The following ECPAS variants were observed in gnomAD, a reference collection of about 807,000 sequenced individuals.
The protein encoded by ECPAS is proteasome adapter and scaffold protein ECM29.
In ECPAS, 70 loss-of-function variants were observed where a neutral mutation model predicts 255.1. The observed-to-expected ratio is 0.27, with a 90% confidence interval of 0.23 to 0.33. The LOEUF (loss-of-function observed/expected upper bound fraction) is 0.33. Among genes scored for constraint, ECPAS ranks in the 10% least tolerant of loss-of-function variants. The pLI is 1.00. For synonymous variants in ECPAS, 784 were observed against 775.0 expected (o/e 1.01, Z -0.19); for missense variants, 1,817 against 2,206.4 (o/e 0.82, Z 3.54).
intron 1 of ECPAS, among the ~76,000 whole-genome samples, chr9:111,476,454 C>T (rs41475647): frequency 0.3 from 45,457 of 152,040 alleles, 8,368 homozygotes; most frequent in African/African-American, 0.5. Context: ...AAGCTACAGG[C>T]TCTGACCTAA....
At chr9:111,466,431 C>A (rs909458738) in intron 2 of ECPAS, among the ~76,000 whole-genome samples, 1 of 151,640 alleles carries the variant, frequency 6.6e-6, no homozygotes, top group Non-Finnish European at 1.5e-5. Flanking sequence ...GGCGACAGAG[C>A]GAGACTCCGT....
chr9:111,394,116 T>C, intron 26 of ECPAS, 44 bp downstream of exon 26: 1 of 1,538,036 alleles, frequency 6.5e-7, no homozygotes, highest in Non-Finnish European at 8.7e-7. Flanking sequence ...CTACTTATAA[T>C]ACTGTGGTTT....
chr9:111,478,190 C>T (rs918912638), intron 1 of ECPAS, among the ~76,000 whole-genome samples: 5 of 151,634 alleles, frequency 3.3e-5, no homozygotes, highest in African/African-American at 9.7e-5. Flanking sequence ...CTTGAGTCAC[C>T]GCACCCAGCC....
Position 111,413,668 on chromosome 9 carries a change from C to CT in ECPAS, c.2079+226dup, listed in dbSNP as rs1009037548. On this transcript the variant is annotated intron_variant, in intron 20 of 49. Coordinates refer to ENST00000684092, the MANE Select transcript of ECPAS (RefSeq NM_001364929.1). ...AAAAACTTTTGAAACAGAAAAGGAA[C>CT]TTTTTTTTACTCCTATGCTTCTCAA... is the stretch of plus-strand genomic sequence containing the variant. 3.3e-5 allele frequency among the ~76,000 whole-genome samples: 5 copies of CT among 151,392 alleles called. No individual in the cohort carries two copies. The East Asian group carries it at 5.8e-4, about 18-fold the overall frequency.
chr9:111,422,255 A>G, intron 13 of ECPAS, 55 bp from the exon 14 acceptor site: 3 of 1,549,414 alleles, frequency 1.9e-6, no homozygotes, highest in Non-Finnish European at 2.7e-6. Flanking sequence ...GAGATGAAAA[A>G]GGGAAAAAAT....
chr9:111,482,855 C>G (rs543644235), intron 1 of ECPAS, among the ~76,000 whole-genome samples: 1 of 133,808 alleles, frequency 7.5e-6, no homozygotes, highest in African/African-American at 3.3e-5. Flanking sequence ...TTCAGGGTGA[C>G]CACCGCTCTC....
At chr9:111,388,273 C>T (rs911254082) in intron 31 of ECPAS, among the ~76,000 whole-genome samples, 2 of 150,572 alleles carry the variant, frequency 1.3e-5, no homozygotes, top group African/African-American at 4.9e-5. Context: ...TGGCTTAATC[C>T]TTTCACTTAT....
chr9:111,419,955 T>C, intron 16 of ECPAS, 62 bp downstream of exon 16: 1 of 1,204,994 alleles, frequency 8.3e-7, no homozygotes, highest in Non-Finnish European at 1.2e-6. Flanking sequence ...ATACAACTTT[T>C]AGTAATTTTC....
At chr9:111,370,661 T>C in intron 44 of ECPAS, 34 bp from the exon 45 acceptor site, 3 of 1,606,882 alleles carry the variant, frequency 1.9e-6, no homozygotes, top group Admixed American at 1.7e-5. Flanking sequence ...CAGAAGTTAA[T>C]AAAGGCTGCA....
At chr9:111,467,097 G>A (rs1009961265) in intron 2 of ECPAS, among the ~76,000 whole-genome samples, 1 of 152,054 alleles carries the variant, frequency 6.6e-6, no homozygotes, top group Non-Finnish European at 1.5e-5. Flanking sequence ...CTAAATTAGG[G>A]AGGAAAAGCT....
chr9:111,380,711 C>T (rs1193918303), intron 35 of ECPAS, among the ~76,000 whole-genome samples: 1 of 152,210 alleles, frequency 6.6e-6, no homozygotes, highest in Non-Finnish European at 1.5e-5. Flanking sequence ...ACACCTTTAT[C>T]AGTGATCTTA....
At chr9:111,392,657 G>T (rs943542799) in intron 28 of ECPAS, 111 bp downstream of exon 28, 10 of 667,676 alleles carry the variant, frequency 1.5e-5, no homozygotes, top group Non-Finnish European at 2.5e-5. Flanking sequence ...CTTAGAAAAG[G>T]CTTCATAAAC....
intron 1 of ECPAS, 130 bp from the exon 2 acceptor site, chr9:111,473,130 G>GA (rs1001808429): frequency 5.7e-6 from 1 of 174,360 alleles, no homozygotes; most frequent in South Asian, 1.6e-4. Flanking sequence ...TCAGTATGAG[G>GA]AAAAAAAATT....
intron 43 of ECPAS, 69 bp downstream of exon 43, chr9:111,371,552 T>C: frequency 7.4e-7 from 1 of 1,348,886 alleles, no homozygotes; most frequent in Non-Finnish European, 1.1e-6. Context: ...CAAAACCAGA[T>C]CGTTACTATT....
chr9:111,382,112 CT>C (rs1393244288), intron 35 of ECPAS, among the ~76,000 whole-genome samples: 1 of 151,834 alleles, frequency 6.6e-6, no homozygotes, highest in African/African-American at 2.4e-5. Flanking sequence ...CACTGGTTGT[CT>C]TTTTGTGCTA....
At chr9:111,461,216 G>GT (rs1484088121) in intron 2 of ECPAS, among the ~76,000 whole-genome samples, 5 of 151,906 alleles carry the variant, frequency 3.3e-5, no homozygotes, top group African/African-American at 1.2e-4. Context: ...TCCCAGCACT[G>GT]TGGGAGGGCA....
At position 111,373,423 on chromosome 9, in the gene ECPAS, G is replaced by T; in HGVS notation, c.4178-17C>A. The stretch of plus-strand genomic sequence containing the variant: ...TAAGTTTACCTACCAGAAATAAAGA[G>T]AAAAAAATCTGATACTTGGTTGACC... On this transcript the variant is annotated splice_polypyrimidine_tract_variant and intron_variant, in intron 39 of 49. Coordinates refer to ENST00000684092, the MANE Select transcript of ECPAS (RefSeq NM_001364929.1). 6.2e-7 allele frequency: 1 copy of T among 1,601,776 alleles called. No homozygotes were observed. The highest frequency in any genetic ancestry group is 1.7e-4 in the Middle Eastern group (1 of 6,002).
At chr9:111,387,365 GTTA>G (rs1338443213) in intron 31 of ECPAS, among the ~76,000 whole-genome samples, 1 of 152,074 alleles carries the variant, frequency 6.6e-6, no homozygotes, top group Non-Finnish European at 1.5e-5. Flanking sequence ...CGTCAGTGCA[GTTA>G]TTGAGGGACA....
At chr9:111,397,875 G>C (rs73656244) in intron 24 of ECPAS, among the ~76,000 whole-genome samples, 12 of 152,116 alleles carry the variant, frequency 7.9e-5, no homozygotes, top group African/African-American at 2.7e-4. Flanking sequence ...TTCACTGTAA[G>C]TTTGAAAGCA....
Sources: allele counts gnomAD v4.1 joint callset (sites outside exome capture counted in the v4.1 genomes callset), GRCh38; gene constraint gnomAD v4.1.1; transcripts MANE v1.5; gene names NCBI Gene and HGNC (gene_info 2026-07-23, HGNC 2026-07-21).